Variants in PABPC4L observed in about 807,000 individuals in gnomAD.
PABPC4L encodes the protein polyadenylate-binding protein 4-like.
For synonymous variants in PABPC4L, 169 were observed against 164.1 expected (o/e 1.03, Z -0.23); for missense variants, 452 against 451.4 (o/e 1.00, Z -0.01).
At chr4:134,028,071 A>G in the PABPC4L span, among the ~76,000 whole-genome samples, 4 of 152,270 alleles carry the variant, frequency 2.6e-5, no homozygotes, top group East Asian at 7.7e-4. Context: ...TCACCAGACC[A>G]GCAGCATCAG....
At chr4:134,030,741 A>C in the PABPC4L span, among the ~76,000 whole-genome samples, 1 of 152,116 alleles carries the variant, frequency 6.6e-6, no homozygotes, top group Admixed American at 6.6e-5. Context: ...TTTATAAAAT[A>C]ATATTTTGCA....
chr4:133,984,618 G>C, the PABPC4L span, among the ~76,000 whole-genome samples: 1 of 151,808 alleles, frequency 6.6e-6, no homozygotes, highest in Non-Finnish European at 1.5e-5. Flanking sequence ...ACTGTTTTCA[G>C]GGCAGCTTCA....
chr4:134,008,262 C>T, the PABPC4L span, among the ~76,000 whole-genome samples: 1 of 151,842 alleles, frequency 6.6e-6, no homozygotes, highest in African/African-American at 2.4e-5. Flanking sequence ...GTTGGCCAAT[C>T]AATTATTTGA....
the PABPC4L span, among the ~76,000 whole-genome samples, chr4:134,116,137 G>A: frequency 6.6e-6 from 1 of 151,882 alleles, no homozygotes; most frequent in East Asian, 1.9e-4. Context: ...AGCTGCATCA[G>A]GGACTGCAAA....
the PABPC4L span, among the ~76,000 whole-genome samples, chr4:134,071,530 C>T: frequency 6.6e-6 from 1 of 152,152 alleles, no homozygotes; most frequent in Non-Finnish European, 1.5e-5. Flanking sequence ...TATGAGTGAT[C>T]ATTGTACCTC....
At chr4:133,989,290 G>A in the PABPC4L span, among the ~76,000 whole-genome samples, 2 of 152,230 alleles carry the variant, frequency 1.3e-5, no homozygotes, top group South Asian at 2.1e-4. Context: ...TCATCAGACT[G>A]TAAATTTTCC....
At chr4:134,104,145 C>T in the PABPC4L span, among the ~76,000 whole-genome samples, 1 of 151,738 alleles carries the variant, frequency 6.6e-6, no homozygotes, top group African/African-American at 2.4e-5. Context: ...CAATCAGAAT[C>T]AAACAAACCG....
chr4:134,040,424 A>T, the PABPC4L span, among the ~76,000 whole-genome samples: 1 of 152,064 alleles, frequency 6.6e-6, no homozygotes, highest in Non-Finnish European at 1.5e-5. Context: ...ATAACACCAC[A>T]CATCTACAAT....
At chr4:134,010,511 A>C in the PABPC4L span, 1 of 152,170 alleles carries the variant, frequency 6.6e-6, no homozygotes, top group East Asian at 1.9e-4. Flanking sequence ...TTAGTGGATT[A>C]AAATAATAAA....
At chr4:133,969,866 T>C in the PABPC4L span, among the ~76,000 whole-genome samples, 1 of 152,060 alleles carries the variant, frequency 6.6e-6, no homozygotes, top group East Asian at 1.9e-4. Flanking sequence ...CTTTTCCTCT[T>C]ATCTCTTTTG....
the PABPC4L span, among the ~76,000 whole-genome samples, chr4:134,087,269 T>G: frequency 1.3e-5 from 2 of 152,208 alleles, no homozygotes; most frequent in South Asian, 4.1e-4. Context: ...GATGAGTTCA[T>G]GTCCTTTGTA....
the PABPC4L span, among the ~76,000 whole-genome samples, chr4:134,033,020 CTTT>C: frequency 5.4e-4 from 75 of 138,872 alleles, no homozygotes; most frequent in Admixed American, 5.8e-4. Flanking sequence ...CACAAGTATC[CTTT>C]TTTTTTTTTT....
At chr4:133,969,568 A>C in the PABPC4L span, among the ~76,000 whole-genome samples, 1 of 152,194 alleles carries the variant, frequency 6.6e-6, no homozygotes. Context: ...CTCAAAATGC[A>C]CATATGTAAT....
chr4:133,961,242 G>A, the PABPC4L span, among the ~76,000 whole-genome samples: 2 of 152,132 alleles, frequency 1.3e-5, no homozygotes, highest in African/African-American at 4.8e-5. Context: ...ACAAGACTCT[G>A]TGCAGCCAAC....
At chr4:134,073,521 G>A in the PABPC4L span, among the ~76,000 whole-genome samples, 1 of 152,092 alleles carries the variant, frequency 6.6e-6, no homozygotes, top group Non-Finnish European at 1.5e-5. Context: ...GCTGTCAGTG[G>A]ATTTAAAATT....
the PABPC4L span, among the ~76,000 whole-genome samples, chr4:134,024,996 T>C: frequency 4.8e-4 from 72 of 149,850 alleles, no homozygotes; most frequent in African/African-American, 1.7e-3. Context: ...GGTCTCAGAC[T>C]TCTGGTCTCC....
At chr4:134,087,934 GC>G in the PABPC4L span, among the ~76,000 whole-genome samples, 41 of 152,130 alleles carry the variant, frequency 2.7e-4, no homozygotes, top group African/African-American at 9.6e-4. Flanking sequence ...AATAGAAAAT[GC>G]TGGGAAAACT....
the PABPC4L span, among the ~76,000 whole-genome samples, chr4:134,085,238 T>C: frequency 1.3e-5 from 2 of 152,070 alleles, no homozygotes; most frequent in Admixed American, 1.3e-4. Flanking sequence ...CTATCACTGT[T>C]TTCATAAACT....
chr4:134,111,226 T>C, the PABPC4L span, among the ~76,000 whole-genome samples: 1 of 151,988 alleles, frequency 6.6e-6, no homozygotes, highest in Non-Finnish European at 1.5e-5. Flanking sequence ...TCACTAAGTC[T>C]TCTTATAAGG....
Sources: gnomAD v4.1 joint callset for allele counts (sites outside exome capture counted in the v4.1 genomes callset) on GRCh38, gnomAD v4.1.1 for gene constraint, MANE v1.5 for transcripts, NCBI Gene and HGNC (gene_info 2026-07-23, HGNC 2026-07-21) for gene names.